FRAS1: variants seen among roughly 807,000 people sequenced by gnomAD.
The protein encoded by FRAS1 is Fraser extracellular matrix complex subunit 1.
Under a neutral mutation model 435.2 loss-of-function variants are expected in FRAS1, and 290 were observed. The ratio of observed to expected loss-of-function variants is 0.67; its 90% confidence interval spans 0.61 to 0.73. The LOEUF (loss-of-function observed/expected upper bound fraction) is 0.73, where lower values mean the gene tolerates loss of function less well. Among genes scored for constraint, FRAS1 ranks in the 30% least tolerant of loss-of-function variants. The pLI is 0.00. For synonymous variants in FRAS1, 1,800 were observed against 1,851.0 expected, an observed-to-expected ratio of 0.97 and a Z score of 0.71; for missense variants, 4,860 against 5,001.5, an observed-to-expected ratio of 0.97 and a Z score of 0.85.
intron 22 of FRAS1, among the ~76,000 whole-genome samples, chr4:78,365,780 G>A (rs1200967601): frequency 6.7e-6 from 1 of 150,024 alleles, no homozygotes; most frequent in Non-Finnish European, 1.5e-5. Flanking sequence ...GACCAACATG[G>A]TGAAACCTCA....
At chr4:78,383,613 C>T (rs1388528901) in intron 27 of FRAS1, among the ~76,000 whole-genome samples, 2 of 152,124 alleles carry the variant, frequency 1.3e-5, no homozygotes, top group Non-Finnish European at 2.9e-5. Flanking sequence ...AATGTTGTTA[C>T]TAGGGGCCCA....
At chr4:78,252,645 T>C (rs1055418815) in intron 5 of FRAS1, 94 bp downstream of exon 5, 1 of 1,208,082 alleles carries the variant, frequency 8.3e-7, no homozygotes. Context: ...CATAGGTTCT[T>C]TCTATTTTCC....
At chr4:78,117,738 T>G (rs1162757099) in intron 2 of FRAS1, among the ~76,000 whole-genome samples, 7 of 152,286 alleles carry the variant, frequency 4.6e-5, no homozygotes, top group African/African-American at 1.7e-4. Context: ...ATCTAATTTT[T>G]TTTTCAAGGT....
In FRAS1 at chr4:78,375,776, C is replaced by A; in HGVS notation, c.3189C>A (p.Asp1063Glu). The change falls in exon 26 of 74, where the codon GAC becomes GAA. Residue 1063 changes from aspartate (D) to glutamate (E), a missense_variant. Asp to Glu is a conservative substitution (Grantham distance 45, BLOSUM62 2). Coordinates refer to ENST00000512123, the MANE Select transcript of FRAS1 (RefSeq NM_025074.7). ...GGTGCTTGCAGTGCAGCCACAGGGA[C>A]CGTTGTCACCTCTGTGACCATGGGT... ...PQGCLQCSHR[D>E]RCHLCDHGFF... 1 of 1,609,832 alleles carries A rather than the reference C, an allele frequency of 6.2e-7. No homozygotes were observed. Among genetic ancestry groups the A allele is most frequent in the Non-Finnish European group, 8.5e-7 (1 of 1,177,804 alleles).
At chr4:78,373,654 G>A (rs1578282132) in intron 24 of FRAS1, among the ~76,000 whole-genome samples, 1 of 151,808 alleles carries the variant, frequency 6.6e-6, no homozygotes, top group Middle Eastern at 3.4e-3. Flanking sequence ...GCACATGTCT[G>A]TAATCCCAGC....
chr4:78,171,822 T>C (rs1393957391), intron 2 of FRAS1, among the ~76,000 whole-genome samples: 2 of 152,172 alleles, frequency 1.3e-5, no homozygotes, highest in Admixed American at 1.3e-4. Flanking sequence ...CATAATACTG[T>C]GGCTCCCTGT....
intron 47 of FRAS1, among the ~76,000 whole-genome samples, chr4:78,460,954 G>C (rs1719353671): frequency 6.6e-6 from 1 of 152,150 alleles, no homozygotes; most frequent in Admixed American, 6.5e-5. Context: ...AATATGGTTT[G>C]AGCATCTACT....
rs566990643 is a variant in FRAS1 at position 78,171,042 on chromosome 4, C to A, written c.109-66468C>A. On this transcript the variant is annotated intron_variant, in intron 2 of 73. Coordinates refer to ENST00000512123, the MANE Select transcript of FRAS1 (RefSeq NM_025074.7). ...CACAGTCAAGTTCACAATGAACCAG[C>A]AATTTTAGGGCTCACGAATCTCTTT... 3.3e-5 allele frequency among the ~76,000 whole-genome samples: 5 copies of A among 152,112 alleles called. No homozygotes were observed. In the East Asian group the frequency reaches 9.7e-4, roughly 29 times the overall value.
At chr4:78,357,759 C>A (rs13114164) in intron 20 of FRAS1, among the ~76,000 whole-genome samples, 8 of 151,922 alleles carry the variant, frequency 5.3e-5, no homozygotes, top group Non-Finnish European at 1.0e-4. Flanking sequence ...AAGAATTAGG[C>A]GGACCCGGTG....
At chr4:78,079,294 G>A (rs1207065389) in intron 2 of FRAS1, among the ~76,000 whole-genome samples, 1 of 152,156 alleles carries the variant, frequency 6.6e-6, no homozygotes, top group African/African-American at 2.4e-5. Flanking sequence ...TCAGTGGAGA[G>A]AAAGGACAGA....
At chr4:78,172,484 T>C (rs2110038957) in intron 2 of FRAS1, among the ~76,000 whole-genome samples, 1 of 152,268 alleles carries the variant, frequency 6.6e-6, no homozygotes, top group South Asian at 2.1e-4. Flanking sequence ...ACTTTTTTTC[T>C]GACCTAGCCA....
At chr4:78,375,434 G>A (rs1475686863) in intron 25 of FRAS1, among the ~76,000 whole-genome samples, 2 of 152,210 alleles carry the variant, frequency 1.3e-5, no homozygotes, top group Non-Finnish European at 2.9e-5. Flanking sequence ...AGGAGGAAGC[G>A]TACCTAGAAA....
chr4:78,400,838 C>T lies in FRAS1; in HGVS notation c.4080C>T (p.Ala1360=). The part of the protein sequence containing the change: ...NRILQAEAPG[A]SAEEIIYKIT... ...TCTTACAGGCCGAGGCTCCTGGTGC[C>T]AGTGCTGAAGAAATCATCTACAAGA... The change falls in exon 30 of 74, where the codon GCC becomes GCT. Residue 1360 remains alanine, a synonymous_variant. Transcript: ENST00000512123. 6.2e-7 allele frequency: 1 copy of T among 1,613,724 alleles called. No individual in the cohort carries two copies. Among genetic ancestry groups the T allele is most frequent in the East Asian group, 2.2e-5 (1 of 44,860 alleles).
chr4:78,455,494 A>G (rs1057488564), intron 47 of FRAS1, among the ~76,000 whole-genome samples: 2 of 152,128 alleles, frequency 1.3e-5, no homozygotes, highest in Non-Finnish European at 2.9e-5. Flanking sequence ...GAGCACCAAG[A>G]TATTTATTTG....
intron 2 of FRAS1, among the ~76,000 whole-genome samples, chr4:78,151,429 C>G (rs1005765212): frequency 2.0e-5 from 3 of 152,164 alleles, no homozygotes; most frequent in African/African-American, 7.2e-5. Flanking sequence ...AGTGGACCCT[C>G]TGTCTCATCA....
At chr4:78,460,428 C>T (rs1719335016) in intron 47 of FRAS1, among the ~76,000 whole-genome samples, 1 of 152,076 alleles carries the variant, frequency 6.6e-6, no homozygotes, top group African/African-American at 2.4e-5. Flanking sequence ...GCTGTGACAG[C>T]GGTAGGGACA....
chr4:78,203,910 C>T (rs1723148642), intron 2 of FRAS1, among the ~76,000 whole-genome samples: 1 of 152,152 alleles, frequency 6.6e-6, no homozygotes, highest in Admixed American at 6.5e-5. Flanking sequence ...TTCTGTGGTC[C>T]ATTTTGTGCT....
At chr4:78,296,238 AT>A (rs1037794848) in intron 14 of FRAS1, among the ~76,000 whole-genome samples, 13 of 151,034 alleles carry the variant, frequency 8.6e-5, no homozygotes, top group African/African-American at 2.4e-4. Context: ...GATGCTGAAG[AT>A]TTTTTTTACG....
chr4:78,482,637 G>T (rs1578350916), intron 58 of FRAS1, 102 bp downstream of exon 58: 1 of 1,255,726 alleles, frequency 8.0e-7, no homozygotes, highest in Admixed American at 2.0e-5. Flanking sequence ...TTTCATTCAA[G>T]AAATATGTGT....
Sources: allele counts gnomAD v4.1 joint callset (sites outside exome capture counted in the v4.1 genomes callset), GRCh38; gene constraint gnomAD v4.1.1; transcripts MANE v1.5; gene names NCBI Gene and HGNC (gene_info 2026-07-23, HGNC 2026-07-21).